Variants in ENO2 observed in about 807,000 individuals in gnomAD.
ENO2 encodes the protein enolase 2.
Under a neutral mutation model 48.7 loss-of-function variants are expected in ENO2, and 19 were observed. That is an observed-to-expected ratio of 0.39 (90% CI 0.27 to 0.57). The LOEUF is 0.57. ENO2 is among the 20% of genes least tolerant of loss of function. ENO2 has a pLI of 0.58. For missense variants in ENO2, 416 were observed against 555.0 expected, an observed-to-expected ratio of 0.75 and a Z score of 2.52; for synonymous variants, 198 against 213.4, an observed-to-expected ratio of 0.93 and a Z score of 0.63.
At chr12:6,917,416 T>C in intron 5 of ENO2, 165 bp from the exon 6 acceptor site, 1 of 970,342 alleles carries the variant, frequency 1.0e-6, no homozygotes. Flanking sequence ...CCCATTCCTC[T>C]CCCTGCTGTT....
chr12:6,917,311 A>C (rs1358445178), intron 5 of ENO2: 1 of 719,634 alleles, frequency 1.4e-6, no homozygotes, highest in Non-Finnish European at 2.3e-6. Context: ...TCTTTGCAGC[A>C]TACAGAGGAG....
rs185407700 is a variant in ENO2, at chr12:6,916,105, G to C, written c.85+188G>C. On this transcript the variant is annotated intron_variant, in intron 2 of 11. Transcript: ENST00000229277. The surrounding 1 kb of genome is among the most constrained non-coding windows in gnomAD (Gnocchi z 4.5). Reference sequence around the variant, plus strand: ...CCAGGGTAGGTGGGTCTGTGTTCGAGTTTAGCGTGTGAGGCATGTCCTGCC... The same window carrying C: ...CCAGGGTAGGTGGGTCTGTGTTCGACTTTAGCGTGTGAGGCATGTCCTGCC... Among the ~76,000 whole-genome samples the C allele has an allele frequency of 4.8e-4, 73 of 152,294 alleles. No individual in the cohort carries two copies. The highest frequency in any genetic ancestry group is 1.5e-3 in the African/African-American group (63 of 41,572).
intron 8 of ENO2, among the ~76,000 whole-genome samples, chr12:6,920,694 C>T (rs1945332574): frequency 6.7e-6 from 1 of 149,750 alleles, no homozygotes; most frequent in Non-Finnish European, 1.5e-5. Flanking sequence ...GCCACCACGC[C>T]TGGCTGGTTT....
rs1474330548 is a variant in ENO2 at position 6,923,130 on chromosome 12, T to C, written c.*330T>C. The C allele has an allele frequency of 1.5e-5, 5 of 335,310 alleles. No homozygotes were observed. Among genetic ancestry groups the C allele is most frequent in the African/African-American group, 1.1e-4 (5 of 47,182 alleles). 20.8% of individuals were successfully genotyped at this position (335,310 alleles called of 1,614,324 possible). The stretch of plus-strand genomic sequence containing the variant: ...AGCATCTGTGATGGGAGCGTCAGGG[T>C]TGGTGTGCTGAGGTGTTAGAGAGGG... On this transcript the variant is annotated 3_prime_UTR_variant, in exon 12 of 12. Coordinates refer to ENST00000229277, the MANE Select transcript of ENO2 (RefSeq NM_001975.3).
intron 8 of ENO2, among the ~76,000 whole-genome samples, chr12:6,920,492 C>T (rs139656060): frequency 0.014 from 2,137 of 151,774 alleles, 82 homozygotes; most frequent in Admixed American, 0.073. Context: ...CTCCACCTCC[C>T]GGATTCAAGC....
intron 8 of ENO2, among the ~76,000 whole-genome samples, chr12:6,921,188 A>G (rs1308904331): frequency 6.6e-6 from 1 of 150,424 alleles, no homozygotes; most frequent in Non-Finnish European, 1.5e-5. Flanking sequence ...TGAATCCAGG[A>G]GTTCGAGACT....
At position 6,915,365 on chromosome 12, in the gene ENO2, G is replaced by T. The variant is rs782508646; in HGVS notation, c.-12-456G>T. ...AAGGGGCAGTGTTCAGGCAGCTGGG[G>T]TGTTAAGTTGGGGAGGTATGGGGGC... On this transcript the variant is annotated intron_variant, in intron 1 of 11. Transcript: ENST00000229277. The T allele has an allele frequency of 7.5e-5, 14 of 186,026 alleles. No homozygotes were observed. The South Asian group carries it at 1.5e-3, about 20-fold the overall frequency. 11.5% of individuals were successfully genotyped at this position (186,026 alleles called of 1,614,324 possible).
At chr12:6,919,087 C>T (rs1945318252) in intron 7 of ENO2, among the ~76,000 whole-genome samples, 1 of 151,414 alleles carries the variant, frequency 6.6e-6, no homozygotes, top group Admixed American at 6.6e-5. Flanking sequence ...TCTGTCCTGT[C>T]CCCGTCCCAA....
chr12:6,921,218 A>T (rs782675158), intron 8 of ENO2, among the ~76,000 whole-genome samples: 42 of 152,250 alleles, frequency 2.8e-4, no homozygotes, highest in African/African-American at 1.0e-3. Flanking sequence ...ATACAGTGAG[A>T]CCTCATCTCT....
intron 1 of ENO2, chr12:6,915,192 C>T (rs895571526): frequency 2.6e-5 from 4 of 153,722 alleles, no homozygotes; most frequent in African/African-American, 9.6e-5. Flanking sequence ...CCTCCACTCC[C>T]CACCGGCTCT....
At chr12:6,920,814 G>T (rs1386392584) in intron 8 of ENO2, among the ~76,000 whole-genome samples, 1 of 149,536 alleles carries the variant, frequency 6.7e-6, no homozygotes, top group Non-Finnish European at 1.5e-5. Flanking sequence ...GCATGCCTCG[G>T]CCTCCCAAAG....
chr12:6,919,071 T>TCGAA (rs1945318134), intron 7 of ENO2, among the ~76,000 whole-genome samples: 1 of 151,690 alleles, frequency 6.6e-6, no homozygotes, highest in African/African-American at 2.4e-5. Context: ...TCCCATCCAT[T>TCGAA]CGAAATCTGT....
At chr12:6,919,829 C>T (rs1195470918) in intron 8 of ENO2, 66 bp downstream of exon 8, 5 of 1,557,038 alleles carry the variant, frequency 3.2e-6, no homozygotes, top group African/African-American at 1.4e-5. Flanking sequence ...CAACTCTGGA[C>T]CTTATGGGGT....
chr12:6,920,000 C>G (rs1268682242), intron 8 of ENO2, among the ~76,000 whole-genome samples: 1 of 152,120 alleles, frequency 6.6e-6, no homozygotes, highest in Admixed American at 6.5e-5. Flanking sequence ...GTCATGGGTT[C>G]TGAAAACTAC....
In ENO2 at chr12:6,914,983, G is replaced by T. The variant is rs1322020350; in HGVS notation, c.-13+324G>T. On this transcript the variant is annotated intron_variant, in intron 1 of 11. Coordinates refer to ENST00000229277, the MANE Select transcript of ENO2 (RefSeq NM_001975.3). The surrounding 1 kb of genome is among the most constrained non-coding windows in gnomAD (Gnocchi z 7.1). ...GGGCGGTGCATTTTTATCCTAGAGC[G>T]TCCCTTTTGGTTTGCATTTGGGGAA... is the stretch of plus-strand genomic sequence containing the variant. Among the ~76,000 whole-genome samples the T allele has an allele frequency of 2.0e-5, 3 of 152,102 alleles. No individual in the cohort carries two copies. The highest frequency in any genetic ancestry group is 4.4e-5 in the Non-Finnish European group (3 of 68,024).
chr12:6,921,435 T>C (rs1945339592), intron 8 of ENO2, 146 bp from the exon 9 acceptor site: 2 of 755,838 alleles, frequency 2.6e-6, no homozygotes, highest in Non-Finnish European at 4.4e-6. Flanking sequence ...AGGCTTACAC[T>C]GGGGGGATTT....
At position 6,916,115 on chromosome 12, in the gene ENO2, T is replaced by G. The variant is rs1945289393; in HGVS notation, c.85+198T>G. Among the ~76,000 whole-genome samples, 1 of 152,196 alleles carries G rather than the reference T, an allele frequency of 6.6e-6. No individual in the cohort carries two copies. The highest frequency in any genetic ancestry group is 1.5e-5 in the Non-Finnish European group (1 of 68,022). On this transcript the variant is annotated intron_variant, in intron 2 of 11. Transcript: ENST00000229277. This position sits in a 1 kb window ranked among gnomAD's most constrained non-coding sequence, Gnocchi z 4.5. ...TGGGTCTGTGTTCGAGTTTAGCGTG[T>G]GAGGCATGTCCTGCCTCCGTGTGTC... is the stretch of plus-strand genomic sequence containing the variant.
At chr12:6,918,202 C>T (rs1403427136) in intron 7 of ENO2, 40 bp downstream of exon 7, 1 of 1,602,562 alleles carries the variant, frequency 6.2e-7, no homozygotes, top group Non-Finnish European at 8.5e-7. Flanking sequence ...AAGTCTTACC[C>T]TATTGTGGGA....
intron 8 of ENO2, 162 bp from the exon 9 acceptor site, chr12:6,921,415 CAGTT>C (rs1945339479): frequency 3.2e-6 from 2 of 634,338 alleles, no homozygotes; most frequent in Admixed American, 3.0e-5. Context: ...AGTTAAGAAT[CAGTT>C]AGGGCAGGCT....
Sources: allele counts gnomAD v4.1 joint callset (sites outside exome capture counted in the v4.1 genomes callset), GRCh38; gene constraint gnomAD v4.1.1; non-coding constraint Gnocchi (gnomAD v3.1); transcripts MANE v1.5; gene names NCBI Gene and HGNC (gene_info 2026-07-23, HGNC 2026-07-21).